Variants in THSD4 observed in about 807,000 individuals in gnomAD.
THSD4 encodes the protein thrombospondin type 1 domain containing 4.
A neutral mutation model predicts 119.0 loss-of-function variants in THSD4; 69 were observed. That is an observed-to-expected ratio of 0.58 (90% CI 0.48 to 0.71). The LOEUF is 0.71. Ranked by LOEUF, THSD4 falls within the 30% of genes least tolerant of loss-of-function variation. THSD4 has a pLI of 0.00. For synonymous variants in THSD4, 524 were observed against 540.4 expected (o/e 0.97, Z 0.42); for missense variants, 1,393 against 1,391.1 (o/e 1.00, Z -0.02).
At chr15:71,299,336 C>A (rs966050763) in intron 6 of THSD4, among the ~76,000 whole-genome samples, 2 of 152,210 alleles carry the variant, frequency 1.3e-5, no homozygotes, top group Non-Finnish European at 2.9e-5. Context: ...CTGGAGGCAG[C>A]CACTCCTCTG....
At chr15:71,265,475 C>T (rs1246368034) in intron 6 of THSD4, among the ~76,000 whole-genome samples, 1 of 152,152 alleles carries the variant, frequency 6.6e-6, no homozygotes, top group Non-Finnish European at 1.5e-5. Context: ...AGGAGATTCC[C>T]TCGGGTGCCT....
intron 7 of THSD4, among the ~76,000 whole-genome samples, chr15:71,516,076 A>G (rs1306377113): frequency 6.6e-6 from 1 of 152,192 alleles, no homozygotes; most frequent in Non-Finnish European, 1.5e-5. Flanking sequence ...GTACCACAGG[A>G]AACAGGACAG....
At chr15:71,716,823 G>A (rs1440402910) in intron 8 of THSD4, among the ~76,000 whole-genome samples, 1 of 152,064 alleles carries the variant, frequency 6.6e-6, no homozygotes, top group Non-Finnish European at 1.5e-5. Flanking sequence ...TTCCTCATGT[G>A]TTCTGGTCAC....
At chr15:71,415,258 G>A (rs1176883918) in intron 7 of THSD4, among the ~76,000 whole-genome samples, 3 of 152,232 alleles carry the variant, frequency 2.0e-5, no homozygotes, top group Non-Finnish European at 4.4e-5. Flanking sequence ...TGAGAGGAGG[G>A]CACTGTCCTC....
At chr15:71,619,971 A>G (rs1567066158) in intron 7 of THSD4, among the ~76,000 whole-genome samples, 1 of 152,250 alleles carries the variant, frequency 6.6e-6, no homozygotes, top group Non-Finnish European at 1.5e-5. Flanking sequence ...CTAGAGTTAC[A>G]TATAGCTCTT....
intron 1 of THSD4, among the ~76,000 whole-genome samples, chr15:71,134,390 G>A (rs892923385): frequency 1.3e-5 from 2 of 152,248 alleles, no homozygotes; most frequent in Non-Finnish European, 2.9e-5. Flanking sequence ...GAGGCAGCGT[G>A]CATCTGCAGT....
intron 6 of THSD4, among the ~76,000 whole-genome samples, chr15:71,401,266 T>G (rs2046528171): frequency 6.6e-6 from 1 of 152,250 alleles, no homozygotes; most frequent in Non-Finnish European, 1.5e-5. Flanking sequence ...CAAGAAGTTT[T>G]GTAGTTTTTT....
intron 7 of THSD4, among the ~76,000 whole-genome samples, chr15:71,539,124 G>A (rs4608288): frequency 0.085 from 12,912 of 152,290 alleles, 1,232 homozygotes; most frequent in East Asian, 0.44. Flanking sequence ...CCTTATCTTT[G>A]AAGAGAAGGG....
At chr15:71,468,576 G>A (rs1171569159) in intron 7 of THSD4, among the ~76,000 whole-genome samples, 1 of 152,112 alleles carries the variant, frequency 6.6e-6, no homozygotes, top group East Asian at 1.9e-4. Context: ...TTAGCTATAA[G>A]AGAAAAATAA....
intron 7 of THSD4, among the ~76,000 whole-genome samples, chr15:71,455,435 T>C (rs1240888944): frequency 6.6e-6 from 1 of 152,142 alleles, no homozygotes; most frequent in Non-Finnish European, 1.5e-5. Flanking sequence ...GAGTGTTCTT[T>C]ATCTCCATCA....
rs11072288 is a variant in THSD4, at chr15:71,486,284, C to A, written c.1152+74461C>A. On this transcript the variant is annotated intron_variant, in intron 7 of 17. Transcript: ENST00000261862. Reference sequence around the variant, plus strand: ...TTTTTTTCCTTAACAGCTGTAGTTTCTCCCCCTTTGCTAGTTTGGGATTCC... The same window carrying A: ...TTTTTTTCCTTAACAGCTGTAGTTTATCCCCCTTTGCTAGTTTGGGATTCC... Among the ~76,000 whole-genome samples the A allele has an allele frequency of 2.0e-5, 3 of 152,106 alleles. No individual in the cohort carries two copies. In the East Asian group the frequency reaches 5.8e-4, roughly 29 times the overall value.
intron 8 of THSD4, among the ~76,000 whole-genome samples, chr15:71,688,837 C>A (rs1170810755): frequency 6.6e-6 from 1 of 151,732 alleles, no homozygotes; most frequent in Admixed American, 6.6e-5. Flanking sequence ...GAATAATCAC[C>A]CCCTGCCAGT....
intron 1 of THSD4, among the ~76,000 whole-genome samples, chr15:71,106,536 C>G (rs2040274889): frequency 6.6e-6 from 1 of 152,130 alleles, no homozygotes; most frequent in Non-Finnish European, 1.5e-5. Flanking sequence ...GGAATTTATC[C>G]CTTAACTTGG....
chr15:71,496,593 C>T (rs1354524793), intron 7 of THSD4, among the ~76,000 whole-genome samples: 3 of 152,152 alleles, frequency 2.0e-5, no homozygotes, highest in Non-Finnish European at 4.4e-5. Flanking sequence ...GTACGTTACT[C>T]CCTGTTCCCC....
intron 3 of THSD4, among the ~76,000 whole-genome samples, chr15:71,162,830 C>T (rs574357702): frequency 5.3e-5 from 8 of 151,818 alleles, no homozygotes; most frequent in Admixed American, 3.3e-4. Flanking sequence ...ATTCTTATTT[C>T]TTTTTTTCCT....
chr15:71,375,782 C>T (rs544102786), intron 6 of THSD4, among the ~76,000 whole-genome samples: 6 of 152,266 alleles, frequency 3.9e-5, no homozygotes, highest in South Asian at 2.1e-4. Context: ...AATGCAAATT[C>T]GGGCCTCACT....
chr15:71,137,986 C>T (rs1596218104), intron 1 of THSD4, among the ~76,000 whole-genome samples: 1 of 152,166 alleles, frequency 6.6e-6, no homozygotes, highest in East Asian at 1.9e-4. Context: ...TTCAGGCAGT[C>T]TCCTCACTCT....
chr15:71,342,818 C>A (rs1287227531), intron 6 of THSD4: 1 of 152,210 alleles, frequency 6.6e-6, no homozygotes, highest in Admixed American at 6.5e-5. Flanking sequence ...TCTTTTGAGG[C>A]TGTGTGTGCC....
At chr15:71,342,951 G>A (rs1054401240) in intron 6 of THSD4, 2 of 152,182 alleles carry the variant, frequency 1.3e-5, no homozygotes, top group Non-Finnish European at 2.9e-5. Context: ...CATATAGAAG[G>A]GTCTTAAGAG....
Sources: gnomAD v4.1 joint callset for allele counts (sites outside exome capture counted in the v4.1 genomes callset) on GRCh38, gnomAD v4.1.1 for gene constraint, MANE v1.5 for transcripts, NCBI Gene and HGNC (gene_info 2026-07-23, HGNC 2026-07-21) for gene names.